The following GLIS3 variants were observed in gnomAD, a reference collection of about 807,000 sequenced individuals.
GLIS3 encodes the protein zinc finger protein GLIS3.
In GLIS3, 53 loss-of-function variants were observed where a neutral mutation model predicts 78.6. That is an observed-to-expected ratio of 0.67 (90% CI 0.54 to 0.85). GLIS3 has a LOEUF of 0.85. Among genes scored for constraint, GLIS3 ranks in the 40% least tolerant of loss-of-function variants. The pLI, the probability that GLIS3 is intolerant of heterozygous loss-of-function variation, is 0.00. For synonymous variants in GLIS3, 684 were observed against 509.9 expected, an observed-to-expected ratio of 1.34 and a Z score of -4.60; for missense variants, 1,703 against 1,231.1, an observed-to-expected ratio of 1.38 and a Z score of -5.74.
At chr9:4,016,467 A>C in intron 4 of GLIS3, among the ~76,000 whole-genome samples, 1 of 152,202 alleles carries the variant, frequency 6.6e-6, no homozygotes, top group Admixed American at 6.5e-5. Flanking sequence ...AACAGAACAA[A>C]GGGACTTGAT....
the GLIS3 span, among the ~76,000 whole-genome samples, chr9:4,473,975 G>C: frequency 6.6e-6 from 1 of 151,952 alleles, no homozygotes; most frequent in Admixed American, 6.6e-5. Flanking sequence ...GTATTAGAAG[G>C]CTCAAAATTC....
chr9:4,203,529 C>T (rs1156807272), intron 2 of GLIS3, among the ~76,000 whole-genome samples: 1 of 152,068 alleles, frequency 6.6e-6, no homozygotes, highest in Non-Finnish European at 1.5e-5. Flanking sequence ...GTAAATGAAT[C>T]AATATTTAAA....
chr9:4,069,430 T>TAA (rs1827399120), intron 4 of GLIS3, among the ~76,000 whole-genome samples: 1 of 152,132 alleles, frequency 6.6e-6, no homozygotes, highest in Non-Finnish European at 1.5e-5. Flanking sequence ...TACCTATATA[T>TAA]AAAATCATTA....
intron 2 of GLIS3, among the ~76,000 whole-genome samples, chr9:4,343,865 G>C (rs1817869653): frequency 6.6e-6 from 1 of 152,118 alleles, no homozygotes. Flanking sequence ...GCTAAACATT[G>C]AGTACACATG....
intron 2 of GLIS3, among the ~76,000 whole-genome samples, chr9:4,207,547 T>C (rs1283564475): frequency 1.3e-5 from 2 of 152,220 alleles, no homozygotes; most frequent in Non-Finnish European, 2.9e-5. Flanking sequence ...TAATAACAGC[T>C]AAACAAATAG....
chr9:4,381,746 A>C, the GLIS3 span, among the ~76,000 whole-genome samples: 2 of 152,160 alleles, frequency 1.3e-5, no homozygotes, highest in Admixed American at 6.5e-5. Flanking sequence ...GGGCTGTGGG[A>C]ATCCACAAAC....
chr9:3,886,695 C>T (rs903884021), intron 7 of GLIS3, among the ~76,000 whole-genome samples: 8 of 152,290 alleles, frequency 5.3e-5, no homozygotes, highest in East Asian at 1.9e-4. Flanking sequence ...GTACCTTCTG[C>T]GGTCTTTTTG....
At chr9:4,456,579 A>G in the GLIS3 span, among the ~76,000 whole-genome samples, 1 of 152,172 alleles carries the variant, frequency 6.6e-6, no homozygotes, top group Non-Finnish European at 1.5e-5. Flanking sequence ...TTACATTCAC[A>G]ACTGTTTGGT....
chr9:3,981,301 C>G (rs1042144636), intron 4 of GLIS3, among the ~76,000 whole-genome samples: 1 of 152,198 alleles, frequency 6.6e-6, no homozygotes, highest in African/African-American at 2.4e-5. Flanking sequence ...GTGAGTTCAC[C>G]TTAATAAGCT....
At chr9:3,894,262 CGTT>C (rs1822666081) in intron 7 of GLIS3, among the ~76,000 whole-genome samples, 1 of 152,102 alleles carries the variant, frequency 6.6e-6, no homozygotes, top group South Asian at 2.1e-4. Context: ...CATATAGTTA[CGTT>C]GTTTAATCTT....
In GLIS3 at chr9:4,196,591, G is replaced by A. The variant is rs138633571; in HGVS notation, c.389-70650C>T. Among the ~76,000 whole-genome samples, 34 of 152,202 alleles carry A rather than the reference G, an allele frequency of 2.2e-4. No homozygotes were observed. The East Asian group carries it at 2.7e-3, about 12-fold the overall frequency. The stretch of plus-strand genomic sequence containing the variant: ...CAACTCCAGACGCGCTGCCTTAAGA[G>A]CTGTAACACTCACCGCAAAGGTATG... On this transcript the variant is annotated intron_variant, in intron 2 of 10. Transcript: ENST00000381971.
rs557662719 is a variant in GLIS3 at position 4,178,475 on chromosome 9, C to T, written c.389-52534G>A. 4.6e-5 allele frequency among the ~76,000 whole-genome samples: 7 copies of T among 152,280 alleles called. No individual in the cohort carries two copies. The East Asian group carries it at 1.4e-3, about 29-fold the overall frequency. ...GGAGGGACGATACTAGAAAAATCTG[C>T]AGCTAGGAGCATCCAATGTCTAGAC... On this transcript the variant is annotated intron_variant, in intron 2 of 10. Coordinates refer to ENST00000381971, the MANE Select transcript of GLIS3 (RefSeq NM_001042413.2).
In GLIS3 at chr9:3,845,882, G is replaced by C. The variant is rs79144033; in HGVS notation, c.2473+10127C>G. 3.3e-3 allele frequency among the ~76,000 whole-genome samples: 500 copies of C among 152,348 alleles called. 5 individuals carry two copies. Among genetic ancestry groups the C allele is most frequent in the African/African-American group, 0.011 (471 of 41,582 alleles). On this transcript the variant is annotated intron_variant, in intron 9 of 10. Coordinates refer to ENST00000381971, the MANE Select transcript of GLIS3 (RefSeq NM_001042413.2). ...GAATGGCTAAAAGCACAACTCTGGAGTCAGATGGTCCTGGGTGCAATTTCC... is the reference window on the plus strand; with the variant it reads ...GAATGGCTAAAAGCACAACTCTGGACTCAGATGGTCCTGGGTGCAATTTCC...
chr9:4,040,904 C>A lies in GLIS3; in HGVS notation c.1710+76864G>T, dbSNP rs116969647. Among the ~76,000 whole-genome samples the A allele has an allele frequency of 8.0e-4, 122 of 152,296 alleles. 1 individual carries two copies. The East Asian group carries it at 0.016, about 20-fold the overall frequency. On this transcript the variant is annotated intron_variant, in intron 4 of 10. Coordinates refer to ENST00000381971, the MANE Select transcript of GLIS3 (RefSeq NM_001042413.2). Reference sequence around the variant, plus strand: ...TCCTGGTCCAGCAGCATCAGCACTGCTTGGAAACTTGTTTGAAATACAAAA... The same window carrying A: ...TCCTGGTCCAGCAGCATCAGCACTGATTGGAAACTTGTTTGAAATACAAAA...
At chr9:3,898,875 C>G in intron 6 of GLIS3, 40 bp from the exon 7 acceptor site, 2 of 1,612,496 alleles carry the variant, frequency 1.2e-6, no homozygotes, top group South Asian at 2.2e-5. Context: ...TAAGGAGAGC[C>G]GGTCCTTGGA....
At chr9:4,480,919 T>C in the GLIS3 span, among the ~76,000 whole-genome samples, 2 of 151,622 alleles carry the variant, frequency 1.3e-5, no homozygotes, top group Non-Finnish European at 2.9e-5. Context: ...AGTAGCTTGA[T>C]CTCAGCTTAC....
intron 2 of GLIS3, among the ~76,000 whole-genome samples, chr9:4,138,611 G>A (rs1399127349): frequency 1.3e-5 from 2 of 152,134 alleles, no homozygotes; most frequent in Non-Finnish European, 2.9e-5. Flanking sequence ...CAGCATGGGG[G>A]AAGCCGTAAA....
At chr9:4,348,268 A>T (rs77633794) in exon 1 of GLIS3, 1 of 152,224 alleles carries the variant, frequency 6.6e-6, no homozygotes, top group Non-Finnish European at 1.5e-5. Flanking sequence ...CCATGCTAAT[A>T]TGGTGTCTTC....
chr9:4,019,889 G>A (rs1822741346), intron 4 of GLIS3, among the ~76,000 whole-genome samples: 2 of 152,068 alleles, frequency 1.3e-5, no homozygotes, highest in African/African-American at 4.8e-5. Context: ...ACGACTACAG[G>A]TGCATGCCAC....
Sources: gnomAD v4.1 joint callset for allele counts (sites outside exome capture counted in the v4.1 genomes callset) on GRCh38, gnomAD v4.1.1 for gene constraint, MANE v1.5 for transcripts, NCBI Gene and HGNC (gene_info 2026-07-23, HGNC 2026-07-21) for gene names.